The following MAGI1 variants were observed in gnomAD, a reference collection of about 807,000 sequenced individuals.
MAGI1 encodes the protein membrane associated guanylate kinase, WW and PDZ domain containing 1, also known as membrane-associated guanylate kinase, WW and PDZ domain-containing protein 1.
Under a neutral mutation model 139.9 loss-of-function variants are expected in MAGI1, and 58 were observed. The ratio of observed to expected loss-of-function variants is 0.41; its 90% CI spans 0.34 to 0.52. MAGI1 has a LOEUF of 0.52. MAGI1 is among the 20% of genes least tolerant of loss of function. The pLI is 0.12. For missense variants in MAGI1, 1,874 were observed against 1,901.6 expected (o/e 0.99, Z 0.27); for synonymous variants, 812 against 737.9 (o/e 1.10, Z -1.63).
At chr3:65,736,854 C>G (rs1247962902) in intron 1 of MAGI1, among the ~76,000 whole-genome samples, 2 of 152,202 alleles carry the variant, frequency 1.3e-5, no homozygotes, top group Non-Finnish European at 2.9e-5. Context: ...TACCAGCTAC[C>G]TGGGAATCTC....
intron 1 of MAGI1, among the ~76,000 whole-genome samples, chr3:65,707,218 C>A (rs1422101076): frequency 6.6e-6 from 1 of 152,190 alleles, no homozygotes; most frequent in African/African-American, 2.4e-5. Context: ...AAAAAGTGAA[C>A]CTGCCATTTC....
At chr3:65,716,882 C>T (rs1339984458) in intron 1 of MAGI1, among the ~76,000 whole-genome samples, 2 of 152,220 alleles carry the variant, frequency 1.3e-5, no homozygotes, top group Non-Finnish European at 2.9e-5. Flanking sequence ...GTTGCAGCAA[C>T]TGGAAGTCAA....
chr3:65,375,142 C>G (rs1338578882), intron 18 of MAGI1, among the ~76,000 whole-genome samples: 1 of 149,752 alleles, frequency 6.7e-6, no homozygotes, highest in Non-Finnish European at 1.5e-5. Flanking sequence ...GACAAGGACA[C>G]AAAAAGCTAA....
chr3:65,542,309 AG>A (rs1330222612), intron 2 of MAGI1, among the ~76,000 whole-genome samples: 2 of 152,264 alleles, frequency 1.3e-5, no homozygotes, highest in South Asian at 2.1e-4. Context: ...GCTCATGGAT[AG>A]GAAGAGTCAA....
chr3:65,566,065 C>A (rs1354418561), intron 2 of MAGI1, among the ~76,000 whole-genome samples: 1 of 151,484 alleles, frequency 6.6e-6, no homozygotes, highest in East Asian at 2.0e-4. Flanking sequence ...ACCAGCCTGG[C>A]CAATATGGTG....
At chr3:65,599,915 A>G (rs1262190703) in intron 2 of MAGI1, among the ~76,000 whole-genome samples, 1 of 152,214 alleles carries the variant, frequency 6.6e-6, no homozygotes, top group East Asian at 1.9e-4. Flanking sequence ...CAGGAAGGTG[A>G]AAGGCCTTAA....
At chr3:65,840,138 T>G (rs1319386495) in intron 1 of MAGI1, among the ~76,000 whole-genome samples, 1 of 132,418 alleles carries the variant, frequency 7.6e-6, no homozygotes, top group Non-Finnish European at 1.6e-5. Context: ...ACTCCTTTAT[T>G]AGTTCTAAGA....
chr3:65,729,533 C>G (rs2033975923), intron 1 of MAGI1, among the ~76,000 whole-genome samples: 1 of 152,106 alleles, frequency 6.6e-6, no homozygotes, highest in South Asian at 2.1e-4. Context: ...AACTTCCAGC[C>G]AAAGGTTTAG....
chr3:65,543,759 G>GA (rs1321813869), intron 2 of MAGI1, among the ~76,000 whole-genome samples: 4 of 151,950 alleles, frequency 2.6e-5, no homozygotes, highest in Non-Finnish European at 5.9e-5. Flanking sequence ...CAGGGATGGG[G>GA]GGGGGTACAA....
chr3:65,608,224 C>A (rs2082854137), intron 2 of MAGI1, among the ~76,000 whole-genome samples: 1 of 152,116 alleles, frequency 6.6e-6, no homozygotes, highest in African/African-American at 2.4e-5. Flanking sequence ...GGCGGATCAC[C>A]TGAGGTCAGG....
chr3:65,902,479 T>G (rs1264279260), intron 1 of MAGI1: 2 of 152,528 alleles, frequency 1.3e-5, no homozygotes, highest in Non-Finnish European at 2.9e-5. Context: ...CCCTTGCGTA[T>G]GTAAAGTAAG....
At position 65,729,025 on chromosome 3, in the gene MAGI1, C is replaced by G. The variant is rs144087543; in HGVS notation, c.314-106937G>C. ...TTTGATCTGATTAAATCAAGTTTTG[C>G]AAAAATTTGGACCTGGCATGGTCTG... On this transcript the variant is annotated intron_variant, in intron 1 of 22. Transcript: ENST00000402939. 5.5e-5 allele frequency among the ~76,000 whole-genome samples: 8 copies of G among 145,474 alleles called. No homozygotes were observed. The East Asian group carries it at 1.7e-3, about 30-fold the overall frequency.
Position 65,883,990 on chromosome 3 carries a change from A to T in MAGI1, c.313+154006T>A, listed in dbSNP as rs547703955. 9.2e-5 allele frequency among the ~76,000 whole-genome samples: 14 copies of T among 152,232 alleles called. No homozygotes were observed. In the East Asian group the frequency reaches 1.2e-3, roughly 13 times the overall value. ...CTGAATCATTCCCTAAAAGGCTTTTAAAAAAAATCAGAAAGAAGGAAAATG... is the reference window on the plus strand; with the variant it reads ...CTGAATCATTCCCTAAAAGGCTTTTTAAAAAAATCAGAAAGAAGGAAAATG... On this transcript the variant is annotated intron_variant, in intron 1 of 22. Transcript: ENST00000402939.
At chr3:65,761,667 G>A (rs542128368) in intron 1 of MAGI1, among the ~76,000 whole-genome samples, 2 of 152,208 alleles carry the variant, frequency 1.3e-5, no homozygotes, top group African/African-American at 2.4e-5. Flanking sequence ...TCAGCCAGCG[G>A]GTTCCTCATT....
At chr3:65,683,517 A>G (rs1227744439) in intron 1 of MAGI1, among the ~76,000 whole-genome samples, 1 of 152,180 alleles carries the variant, frequency 6.6e-6, no homozygotes, top group Admixed American at 6.5e-5. Context: ...ATAGGCTGAG[A>G]GAAAATACAT....
chr3:65,813,479 T>TA (rs1457610730), intron 1 of MAGI1, among the ~76,000 whole-genome samples: 1 of 152,194 alleles, frequency 6.6e-6, no homozygotes, highest in Admixed American at 6.5e-5. Context: ...AATGAGCTTC[T>TA]ATTTAGGGCC....
intron 1 of MAGI1, among the ~76,000 whole-genome samples, chr3:65,970,415 G>A (rs1202441429): frequency 6.6e-6 from 1 of 152,000 alleles, no homozygotes; most frequent in African/African-American, 2.4e-5. Context: ...GAGAGGAATG[G>A]TGGTGACGAC....
At chr3:65,384,879 G>A (rs1429884264) in intron 14 of MAGI1, among the ~76,000 whole-genome samples, 1 of 152,114 alleles carries the variant, frequency 6.6e-6, no homozygotes, top group Non-Finnish European at 1.5e-5. Flanking sequence ...GGTGGGGGAT[G>A]CGGGTGTCCT....
chr3:65,701,321 TG>T (rs2107611630), intron 1 of MAGI1, among the ~76,000 whole-genome samples: 1 of 152,294 alleles, frequency 6.6e-6, no homozygotes, highest in African/African-American at 2.4e-5. Context: ...GGCGTGATCT[TG>T]CCTTACTGCA....
Sources: allele counts gnomAD v4.1 joint callset (sites outside exome capture counted in the v4.1 genomes callset), GRCh38; gene constraint gnomAD v4.1.1; transcripts MANE v1.5; gene names NCBI Gene and HGNC (gene_info 2026-07-23, HGNC 2026-07-21).